Variants in ADAM2 observed in about 807,000 individuals in gnomAD.
The protein encoded by ADAM2 is disintegrin and metalloproteinase domain-containing protein 2.
ADAM2 carries 101 observed loss-of-function variants against 99.3 expected under a neutral mutation model. That is an observed-to-expected ratio of 1.02 (90% CI 0.87 to 1.20). ADAM2 has a LOEUF of 1.20. Among genes scored for constraint, ADAM2 ranks in the 50% most tolerant of loss-of-function variants. ADAM2 has a pLI of 0.00. For synonymous variants in ADAM2, 323 were observed against 287.6 expected, an observed-to-expected ratio of 1.12 and a Z score of -1.25; for missense variants, 948 against 878.7, an observed-to-expected ratio of 1.08 and a Z score of -1.00.
At chr8:39,744,716 A>G (rs572046273) in intron 20 of ADAM2, 114 bp downstream of exon 20, 72 of 597,932 alleles carry the variant, frequency 1.2e-4, no homozygotes, top group African/African-American at 7.5e-4. Context: ...ACGGGTTGAT[A>G]GGTGCAGCAA....
chr8:39,812,871 G>T (rs574676133), intron 6 of ADAM2, among the ~76,000 whole-genome samples: 4 of 152,122 alleles, frequency 2.6e-5, no homozygotes, highest in South Asian at 2.1e-4. Context: ...AAGGACTTCA[G>T]GACTAAAACA....
At chr8:39,807,570 C>CT (rs1804491741) in intron 7 of ADAM2, among the ~76,000 whole-genome samples, 1 of 152,078 alleles carries the variant, frequency 6.6e-6, no homozygotes, top group Non-Finnish European at 1.5e-5. Flanking sequence ...TCAATGAGGT[C>CT]ATAGGGGTGG....
At chr8:39,783,952 A>C (rs1803343534) in intron 10 of ADAM2, among the ~76,000 whole-genome samples, 1 of 150,782 alleles carries the variant, frequency 6.6e-6, no homozygotes, top group Non-Finnish European at 1.5e-5. Context: ...CTCGAAAAGA[A>C]AAAAAAAAAA....
At chr8:39,765,958 G>T (rs1802551516) in intron 14 of ADAM2, among the ~76,000 whole-genome samples, 1 of 152,084 alleles carries the variant, frequency 6.6e-6, no homozygotes, top group Non-Finnish European at 1.5e-5. Context: ...TTCGATATGG[G>T]GATGAAATAC....
rs376255964 is a variant in ADAM2 at position 39,821,194 on chromosome 8, A to G, written c.345-24T>C. On this transcript the variant is annotated intron_variant, in intron 5 of 20. Coordinates refer to ENST00000265708, the MANE Select transcript of ADAM2 (RefSeq NM_001464.5). ...CCCTAAAAATTTCAAAAAAAAATTA[A>G]TAAGTAAAACAATGCCTTGTGGAAA... The G allele has an allele frequency of 8.1e-5, 121 of 1,491,072 alleles. 1 individual carries two copies. The African/African-American group carries it at 1.5e-3, about 18-fold the overall frequency. The allele number at this position is 1,491,072 out of a possible 1,614,324, so 92.4% of individuals were successfully genotyped here.
At position 39,746,604 on chromosome 8, in the gene ADAM2, T is replaced by C. The variant is rs1474407904; in HGVS notation, c.2042A>G (p.His681Arg). The change falls in exon 19 of 21, where the codon CAT becomes CGT. Residue 681 changes from histidine to arginine, a missense_variant. His to Arg is a conservative substitution (Grantham distance 29, BLOSUM62 0). Coordinates refer to ENST00000265708, the MANE Select transcript of ADAM2 (RefSeq NM_001464.5). Reference protein sequence around the residue: ...PERRYIENIYHSKPMRWPFFL... With the variant: ...PERRYIENIYRSKPMRWPFFL... ...AAATGGCCATCTCATTGGTTTGGAA[T>C]GGTAAATGTTCTCAATGTAGCGCCT... is the stretch of plus-strand genomic sequence containing the variant. The C allele has an allele frequency of 1.2e-6, 2 of 1,602,944 alleles. No homozygotes were observed. The highest frequency in any genetic ancestry group is 3.5e-5 in the Admixed American group (2 of 57,588).
Position 39,821,100 on chromosome 8 carries a change from C to T in ADAM2, c.415G>A (p.Val139Ile). The change falls in exon 6 of 21, where the codon GTA becomes ATA. Residue 139 changes from valine (V) to isoleucine (I), a missense_variant. Physicochemically the swap from Val to Ile is conservative, Grantham distance 29 (BLOSUM62 3). Transcript: ENST00000265708. ...TTCTTATGTTTTACTTGGTAAATTA[C>T]ATGTTCAAAGCCAACTGAAGACTCC... is the stretch of plus-strand genomic sequence containing the variant. The part of the protein sequence containing the change: ...PLESSVGFEH[V>I]IYQVKHKKAD... 1 of 1,610,796 alleles carries T rather than the reference C, an allele frequency of 6.2e-7. No homozygotes were observed. Among genetic ancestry groups the T allele is most frequent in the Non-Finnish European group, 8.5e-7 (1 of 1,177,384 alleles).
intron 16 of ADAM2, among the ~76,000 whole-genome samples, chr8:39,755,045 G>C (rs1259323702): frequency 2.0e-5 from 3 of 151,932 alleles, no homozygotes; most frequent in Non-Finnish European, 2.9e-5. Context: ...TATTCTGTGA[G>C]TTTGTTTATT....
chr8:39,791,928 C>T (rs116778814), intron 7 of ADAM2, among the ~76,000 whole-genome samples: 2,816 of 152,138 alleles, frequency 0.019, 80 homozygotes, highest in African/African-American at 0.065. Context: ...TGTCTGCCAC[C>T]TAAAACTAGG....
intron 7 of ADAM2, among the ~76,000 whole-genome samples, chr8:39,807,715 C>A (rs1020268548): frequency 6.6e-6 from 1 of 152,122 alleles, no homozygotes; most frequent in South Asian, 2.1e-4. Flanking sequence ...AGATTTCCAA[C>A]ATCCAGAATA....
At chr8:39,792,386 A>C (rs929681711) in intron 7 of ADAM2, among the ~76,000 whole-genome samples, 8 of 152,084 alleles carry the variant, frequency 5.3e-5, no homozygotes, top group African/African-American at 1.9e-4. Flanking sequence ...ATTTTCATTG[A>C]TATGAAGTAG....
intron 6 of ADAM2, among the ~76,000 whole-genome samples, chr8:39,819,275 GA>G (rs1424604863): frequency 6.6e-6 from 1 of 151,808 alleles, no homozygotes. Context: ...GCTCAATGAG[GA>G]AAAAATAATC....
chr8:39,788,576 C>A, intron 8 of ADAM2, 93 bp downstream of exon 8: 1 of 844,142 alleles, frequency 1.2e-6, no homozygotes. Flanking sequence ...CCTTATGCCA[C>A]ACAACGTGTG....
intron 7 of ADAM2, among the ~76,000 whole-genome samples, chr8:39,792,711 A>G (rs1433069328): frequency 1.3e-5 from 2 of 151,862 alleles, no homozygotes; most frequent in East Asian, 3.9e-4. Flanking sequence ...TATTTTGTCA[A>G]AAAAAAATTG....
At chr8:39,761,695 A>C (rs1802376226) in intron 14 of ADAM2, among the ~76,000 whole-genome samples, 1 of 152,206 alleles carries the variant, frequency 6.6e-6, no homozygotes, top group Non-Finnish European at 1.5e-5. Context: ...TAATTTCCTT[A>C]GACAAGAAAT....
intron 2 of ADAM2, among the ~76,000 whole-genome samples, chr8:39,836,712 C>A (rs982887008): frequency 6.6e-6 from 1 of 152,104 alleles, no homozygotes; most frequent in Non-Finnish European, 1.5e-5. Flanking sequence ...TTAACATATT[C>A]GCAATCAGGG....
intron 14 of ADAM2, among the ~76,000 whole-genome samples, chr8:39,765,623 T>C (rs1802540495): frequency 6.6e-6 from 1 of 152,242 alleles, no homozygotes. Flanking sequence ...CTTCTTTCTT[T>C]CTGCCTTTCT....
chr8:39,806,032 T>C (rs1374679073), intron 7 of ADAM2, among the ~76,000 whole-genome samples: 1 of 152,198 alleles, frequency 6.6e-6, no homozygotes, highest in Non-Finnish European at 1.5e-5. Flanking sequence ...ATTTCATGGC[T>C]GACTCACTAG....
At chr8:39,790,218 A>C (rs1803649201) in intron 7 of ADAM2, among the ~76,000 whole-genome samples, 1 of 151,956 alleles carries the variant, frequency 6.6e-6, no homozygotes, top group South Asian at 2.1e-4. Flanking sequence ...GCATGGCCAC[A>C]CAAAAATTTG....
Sources: allele counts gnomAD v4.1 joint callset (sites outside exome capture counted in the v4.1 genomes callset), GRCh38; gene constraint gnomAD v4.1.1; transcripts MANE v1.5; gene names NCBI Gene and HGNC (gene_info 2026-07-23, HGNC 2026-07-21).